Variants in NAALADL2 observed in about 807,000 individuals in gnomAD.
The protein encoded by NAALADL2 is N-acetylated alpha-linked acidic dipeptidase like 2, also known as inactive N-acetylated-alpha-linked acidic dipeptidase-like protein 2.
NAALADL2 carries 76 observed loss-of-function variants against 87.2 expected under a neutral mutation model. That is an observed-to-expected ratio of 0.87 (90% CI 0.72 to 1.05). The LOEUF is 1.05. NAALADL2 is among the 50% of genes least tolerant of loss of function. NAALADL2 has a pLI of 0.00. For synonymous variants in NAALADL2, 354 were observed against 331.0 expected (o/e 1.07, Z -0.75); for missense variants, 1,089 against 945.8 (o/e 1.15, Z -1.99).
chr3:175,471,714 CTG>C lies in NAALADL2; in HGVS notation c.1611_1612del (p.Tyr538SerfsTer16). 1 of 1,606,910 alleles carries C rather than the reference CTG, an allele frequency of 6.2e-7. No individual in the cohort carries two copies. The highest frequency in any genetic ancestry group is 8.5e-7 in the Non-Finnish European group (1 of 1,175,408). ...LHSPIRGNSSLYPVASPSLQQ... is the reference protein window; with the variant it reads ...LHSPIRGNSSXYPVASPSLQQ... ...CAGTCCCATAAGGGGGAACTCTAGTCTGTATCCTGTAGCATCACCATCTCTTC... is the reference window on the plus strand; with the variant it reads ...CAGTCCCATAAGGGGGAACTCTAGTCTATCCTGTAGCATCACCATCTCTTC... On this transcript the variant is annotated frameshift_variant, in exon 9 of 14. Transcript: ENST00000454872. LOFTEE classifies it high-confidence loss of function.
chr3:175,282,573 A>G (rs971402042), intron 4 of NAALADL2, among the ~76,000 whole-genome samples: 3 of 152,054 alleles, frequency 2.0e-5, no homozygotes, highest in Non-Finnish European at 4.4e-5. Flanking sequence ...ATTCTCACCT[A>G]TCTACCTGTC....
intron 11 of NAALADL2, among the ~76,000 whole-genome samples, chr3:175,639,997 T>C (rs924103552): frequency 6.6e-6 from 1 of 152,180 alleles, no homozygotes; most frequent in African/African-American, 2.4e-5. Flanking sequence ...GTGCGTGAAC[T>C]AGAGATTGAA....
intron 1 of NAALADL2, among the ~76,000 whole-genome samples, chr3:174,986,963 GAA>G: frequency 6.6e-6 from 1 of 152,140 alleles, no homozygotes; most frequent in East Asian, 1.9e-4. Context: ...GCTTAAAGAG[GAA>G]TTACAGAGTT....
intron 1 of NAALADL2, among the ~76,000 whole-genome samples, chr3:175,027,947 A>G (rs1284299098): frequency 6.8e-6 from 1 of 148,052 alleles, no homozygotes; most frequent in Admixed American, 6.7e-5. Context: ...ACTGACCTAA[A>G]GCTATATCTG....
Position 175,649,506 on chromosome 3 carries a change from T to C in NAALADL2, c.1896+22120T>C, listed in dbSNP as rs540425423. On this transcript the variant is annotated intron_variant, in intron 11 of 13. Transcript: ENST00000454872. Reference sequence around the variant, plus strand: ...GGTGGCTTAGGCAATATAAATTAGTTTTCTCATAGTTCTGGAGGCGGGGAA... The same window carrying C: ...GGTGGCTTAGGCAATATAAATTAGTCTTCTCATAGTTCTGGAGGCGGGGAA... Among the ~76,000 whole-genome samples the C allele has an allele frequency of 9.9e-5, 15 of 152,188 alleles. No homozygotes were observed. The South Asian group carries it at 2.7e-3, about 27-fold the overall frequency.
At chr3:175,454,104 C>A (rs1721977670) in intron 6 of NAALADL2, among the ~76,000 whole-genome samples, 1 of 151,954 alleles carries the variant, frequency 6.6e-6, no homozygotes, top group South Asian at 2.1e-4. Flanking sequence ...TCATTAATAG[C>A]AAATAATTTC....
At chr3:175,084,531 C>T (rs1718488818) in intron 1 of NAALADL2, among the ~76,000 whole-genome samples, 1 of 152,202 alleles carries the variant, frequency 6.6e-6, no homozygotes, top group Non-Finnish European at 1.5e-5. Flanking sequence ...GCCTTAATTA[C>T]AGTCTGCATA....
chr3:174,449,132 C>A (rs1039233014), intron 1 of NAALADL2, among the ~76,000 whole-genome samples: 1 of 152,126 alleles, frequency 6.6e-6, no homozygotes, highest in Non-Finnish European at 1.5e-5. Flanking sequence ...GTTAGACATT[C>A]ATGTGCTTGA....
chr3:174,778,645 C>T (rs2109137304), intron 3 of NAALADL2, among the ~76,000 whole-genome samples: 1 of 152,130 alleles, frequency 6.6e-6, no homozygotes, highest in South Asian at 2.1e-4. Flanking sequence ...CACCCTGCAA[C>T]AGGACCCCGT....
intron 2 of NAALADL2, among the ~76,000 whole-genome samples, chr3:175,157,882 C>T (rs1381137): frequency 0.64 from 97,592 of 151,870 alleles, 34,571 homozygotes; most frequent in Non-Finnish European, 0.79. Context: ...CATTTCCTAC[C>T]TGGTCATGAA....
chr3:174,844,835 G>GTTTTTTTTTT (rs781333758), intron 3 of NAALADL2, among the ~76,000 whole-genome samples: 2 of 35,446 alleles, frequency 5.6e-5, no homozygotes, highest in African/African-American at 2.5e-4. Flanking sequence ...AGTTCTAATG[G>GTTTTTTTTTT]TTTTTTTTTT....
chr3:175,739,610 A>G (rs1170126196), intron 12 of NAALADL2, among the ~76,000 whole-genome samples: 1 of 152,200 alleles, frequency 6.6e-6, no homozygotes, highest in Non-Finnish European at 1.5e-5. Context: ...TGTAATCCCC[A>G]TGGACTTCAC....
At chr3:174,530,571 T>C (rs1041881288) in intron 1 of NAALADL2, among the ~76,000 whole-genome samples, 1 of 152,116 alleles carries the variant, frequency 6.6e-6, no homozygotes, top group African/African-American at 2.4e-5. Context: ...AAGAAAGAGG[T>C]TTATTGGACT....
At chr3:174,801,192 T>C (rs966341052) in intron 3 of NAALADL2, among the ~76,000 whole-genome samples, 1 of 152,198 alleles carries the variant, frequency 6.6e-6, no homozygotes, top group Admixed American at 6.5e-5. Flanking sequence ...ATGGTTTGAC[T>C]GTGTCCCCAC....
intron 5 of NAALADL2, among the ~76,000 whole-genome samples, chr3:175,375,795 A>G (rs1429237877): frequency 6.6e-6 from 1 of 151,818 alleles, no homozygotes; most frequent in Non-Finnish European, 1.5e-5. Flanking sequence ...CCGTATTCCT[A>G]TTTTCTATTT....
chr3:174,886,640 A>T (rs1439757320), intron 1 of NAALADL2, among the ~76,000 whole-genome samples: 1 of 151,996 alleles, frequency 6.6e-6, no homozygotes, highest in African/African-American at 2.4e-5. Flanking sequence ...CTGGTGCCAG[A>T]CTCTGTTTTA....
intron 11 of NAALADL2, among the ~76,000 whole-genome samples, chr3:175,632,530 A>C (rs1727940648): frequency 6.6e-6 from 1 of 152,004 alleles, no homozygotes; most frequent in African/African-American, 2.4e-5. Flanking sequence ...TGTGTGAAAA[A>C]TAATTATACG....
At chr3:174,927,331 T>C (rs1736216070) in intron 1 of NAALADL2, among the ~76,000 whole-genome samples, 1 of 152,046 alleles carries the variant, frequency 6.6e-6, no homozygotes, top group Non-Finnish European at 1.5e-5. Context: ...TATCCAGAAA[T>C]TGAACTCAGC....
chr3:175,294,169 C>A (rs567463824), intron 4 of NAALADL2, among the ~76,000 whole-genome samples: 9 of 152,292 alleles, frequency 5.9e-5, no homozygotes, highest in African/African-American at 1.7e-4. Flanking sequence ...AAAGCAGAAG[C>A]TGCTAAAGGC....
Sources: allele counts gnomAD v4.1 joint callset (sites outside exome capture counted in the v4.1 genomes callset), GRCh38; gene constraint gnomAD v4.1.1; transcripts MANE v1.5; gene names NCBI Gene and HGNC (gene_info 2026-07-23, HGNC 2026-07-21).